Variants in TRPM5 observed in about 807,000 individuals in gnomAD.
TRPM5 encodes transient receptor potential cation channel subfamily M member 5, also known as MLSN1 and TRP-related.
Under a neutral mutation model 124.9 loss-of-function variants are expected in TRPM5, and 121 were observed. That is an observed-to-expected ratio of 0.97 (90% CI 0.84 to 1.13). TRPM5 has a LOEUF of 1.13. Ranked by LOEUF, TRPM5 falls within the 50% of genes most tolerant of loss-of-function variation. The pLI is 0.00. For missense variants in TRPM5, 1,643 were observed against 1,589.1 expected, an observed-to-expected ratio of 1.03 and a Z score of -0.58; for synonymous variants, 781 against 700.5, an observed-to-expected ratio of 1.11 and a Z score of -1.81.
At chr11:2,432,411 AG>A in the TRPM5 span, among the ~76,000 whole-genome samples, 1 of 152,228 alleles carries the variant, frequency 6.6e-6, no homozygotes, top group East Asian at 1.9e-4. Context: ...TCCCTGGGAC[AG>A]CAGATCCCCT....
At chr11:2,440,694 C>T in the TRPM5 span, among the ~76,000 whole-genome samples, 18 of 152,194 alleles carry the variant, frequency 1.2e-4, no homozygotes, top group Admixed American at 1.1e-3. This position sits in a 1 kb window ranked among gnomAD's most constrained non-coding sequence, Gnocchi z 5.2. Context: ...AGCTCTGTAA[C>T]CTGCGCCTAG....
intron 12 of TRPM5, 93 bp downstream of exon 17, chr11:2,413,968 C>A: frequency 6.7e-7 from 1 of 1,496,242 alleles, no homozygotes; most frequent in South Asian, 1.2e-5. Context: ...AGTGACAGGG[C>A]AGCTGCAGGC....
intron 18 of TRPM5, chr11:2,410,527 G>A: frequency 3.4e-6 from 1 of 295,744 alleles, no homozygotes; most frequent in South Asian, 2.5e-5. Context: ...CCAGAGGGGT[G>A]CGTCCCTTTC....
intron 16 of TRPM5, 136 bp from the exon 22 acceptor site, chr11:2,411,903 T>G (rs1809323591): frequency 8.8e-7 from 1 of 1,134,790 alleles, no homozygotes; most frequent in Non-Finnish European, 1.2e-6. Context: ...CTTCATCTTT[T>G]GTTTATTTAT....
intron 4 of TRPM5, 137 bp downstream of exon 9, chr11:2,420,085 G>T: frequency 1.0e-6 from 1 of 960,256 alleles, no homozygotes; most frequent in East Asian, 2.7e-5. Flanking sequence ...AGGTCTCGGT[G>T]CTCAGGCATG....
At chr11:2,418,358 T>C (rs1487062042) in exon 6 of TRPM5, 2 of 1,547,668 alleles carry the variant, frequency 1.3e-6, no homozygotes, top group Non-Finnish European at 1.8e-6. Context: ...CTGGAGATCC[T>C]CTGAGACGGG....
chr11:2,417,706 G>GGCCCCCCCCCCCC, intron 7 of TRPM5, 21 bp downstream of exon 12: 1 of 1,087,304 alleles, frequency 9.2e-7, no homozygotes, highest in Non-Finnish European at 1.4e-6. Flanking sequence ...CGCCTGCCTT[G>GGCCCCCCCCCCCC]CCCACCCTGC....
rs146010704 is a variant in TRPM5, at chr11:2,418,366, G to T, written c.715-8C>A. The T allele has an allele frequency of 1.9e-6, 3 of 1,542,194 alleles. No individual in the cohort carries two copies. Among genetic ancestry groups the T allele is most frequent in the East Asian group, 2.4e-5 (1 of 41,090 alleles). ...CACGGCCCTGGAGATCCTCTGAGAC[G>T]GGGAGGGAGGGGAGAGCGGACCCCA... is the stretch of plus-strand genomic sequence containing the variant. On this transcript the variant is annotated splice_region_variant and splice_polypyrimidine_tract_variant and intron_variant, in intron 5 of 23. Coordinates refer to ENST00000155858, the Ensembl canonical transcript of TRPM5.
At chr11:2,408,167 A>G (rs1286762957) in intron 18 of TRPM5, among the ~76,000 whole-genome samples, 2 of 152,168 alleles carry the variant, frequency 1.3e-5, no homozygotes, top group Non-Finnish European at 2.9e-5. Context: ...AGCTTCCACC[A>G]GGGGCTGGAG....
At chr11:2,432,040 C>T in the TRPM5 span, among the ~76,000 whole-genome samples, 1 of 152,178 alleles carries the variant, frequency 6.6e-6, no homozygotes, top group Admixed American at 6.5e-5. Context: ...ACGGAGGTGT[C>T]TAGGGGAGGC....
In TRPM5 at chr11:2,408,506, C is replaced by T. The variant is rs117654531; in HGVS notation, c.2783-594G>A. On this transcript the variant is annotated intron_variant, in intron 18 of 23. Coordinates refer to ENST00000155858, the Ensembl canonical transcript of TRPM5. ...CTGCAAGCTCTGAGGGCACCGATCC[C>T]GCACTGGGCCACTCAAGTCAAGAAC... Among the ~76,000 whole-genome samples the T allele has an allele frequency of 3.3e-4, 50 of 152,370 alleles. 1 individual carries two copies. In the East Asian group the frequency reaches 7.5e-3, roughly 23 times the overall value.
At position 2,422,879 on chromosome 11, in the gene TRPM5, G is replaced by A. The variant is rs1431693901; in HGVS notation, c.117+41C>T. On this transcript the variant is annotated intron_variant, in intron 1 of 23. Coordinates refer to ENST00000155858, the Ensembl canonical transcript of TRPM5. ...GGAAATGGGGCCTCATGGGTTCCAG[G>A]TCAAGGCGGACATCACCTGAGGCCT... The A allele has an allele frequency of 2.6e-6, 4 of 1,562,932 alleles. No individual in the cohort carries two copies. The Admixed American group carries it at 6.7e-5, about 26-fold the overall frequency.
At chr11:2,432,228 C>T in the TRPM5 span, among the ~76,000 whole-genome samples, 206 of 152,332 alleles carry the variant, frequency 1.4e-3, no homozygotes, top group Non-Finnish European at 2.6e-3. Context: ...TCCCAGCTGC[C>T]GACAGAGCAG....
chr11:2,434,932 A>G, the TRPM5 span, among the ~76,000 whole-genome samples: 3 of 152,202 alleles, frequency 2.0e-5, no homozygotes, highest in Non-Finnish European at 4.4e-5. Context: ...CCATCAGTTC[A>G]TGCAGTCATT....
intron 18 of TRPM5, among the ~76,000 whole-genome samples, chr11:2,410,917 G>C (rs113055924): frequency 6.6e-6 from 1 of 152,288 alleles, no homozygotes; most frequent in South Asian, 2.1e-4. Flanking sequence ...GAGGCCAGGG[G>C]CTGTGAGGAG....
At chr11:2,406,866 G>C in intron 20 of TRPM5, 73 bp from the exon 26 acceptor site, 1 of 1,535,972 alleles carries the variant, frequency 6.5e-7, no homozygotes, top group Non-Finnish European at 8.7e-7. Context: ...GCCTGGTCCC[G>C]GGGCGAGGTG....
intron 12 of TRPM5, 74 bp from the exon 18 acceptor site, chr11:2,413,662 T>G: frequency 1.4e-6 from 2 of 1,384,088 alleles, no homozygotes; most frequent in Non-Finnish European, 2.0e-6. Flanking sequence ...AGGAATGCCC[T>G]TCCCCCAGGT....
chr11:2,415,438 G>T (rs565980781), exon 9 of TRPM5: 3 of 1,585,892 alleles, frequency 1.9e-6, no homozygotes, highest in Non-Finnish European at 2.6e-6. Context: ...TTGCTGACCA[G>T]GGCGTCCACC....
chr11:2,410,606 GCTCCCCACCAACCCATCACTACA>G (rs2133507836), intron 18 of TRPM5: 6 of 438,794 alleles, frequency 1.4e-5, no homozygotes, highest in South Asian at 9.7e-5. Context: ...CCACCCCAGA[GCTCCCCACCAACCCATCACTACA>G]GAGGCCCCCA....
Sources: allele counts gnomAD v4.1 joint callset (sites outside exome capture counted in the v4.1 genomes callset), GRCh38; gene constraint gnomAD v4.1.1; non-coding constraint Gnocchi (gnomAD v3.1); transcripts MANE v1.5; gene names NCBI Gene and HGNC (gene_info 2026-07-23, HGNC 2026-07-21).